Variants in VLDLR observed in about 807,000 individuals in gnomAD.
The protein encoded by VLDLR is very low-density lipoprotein receptor.
VLDLR carries 81 observed loss-of-function variants against 112.7 expected under a neutral mutation model. That is an observed-to-expected ratio of 0.72 (90% CI 0.60 to 0.86). The LOEUF (loss-of-function observed/expected upper bound fraction) is 0.86. Among genes scored for constraint, VLDLR ranks in the 40% least tolerant of loss-of-function variants. The pLI, the probability that VLDLR is intolerant of heterozygous loss-of-function variation, is 0.00. For missense variants in VLDLR, 1,237 were observed against 1,099.4 expected (o/e 1.13, Z -1.77); for synonymous variants, 436 against 384.8 (o/e 1.13, Z -1.56).
chr9:2,624,466 C>T (rs1240716357), intron 1 of VLDLR, among the ~76,000 whole-genome samples: 2 of 152,200 alleles, frequency 1.3e-5, no homozygotes, highest in East Asian at 3.9e-4. Context: ...TTAAGGCTAA[C>T]AAGAAGTTGG....
At chr9:2,629,317 T>C (rs1167203740) in intron 1 of VLDLR, among the ~76,000 whole-genome samples, 1 of 152,244 alleles carries the variant, frequency 6.6e-6, no homozygotes, top group Non-Finnish European at 1.5e-5. Context: ...AACCAAGAGC[T>C]ATAATCCTTT....
chr9:2,625,463 C>T (rs1363973289), intron 1 of VLDLR, among the ~76,000 whole-genome samples: 1 of 152,206 alleles, frequency 6.6e-6, no homozygotes, highest in East Asian at 1.9e-4. Context: ...TAAGACAAGG[C>T]AGTTGCCTAC....
intron 18 of VLDLR, 133 bp from the exon 19 acceptor site, chr9:2,653,700 T>C (rs1438325809): frequency 1.1e-6 from 1 of 886,852 alleles, no homozygotes; most frequent in Non-Finnish European, 1.9e-6. Context: ...TATTCTTTTG[T>C]ATCTGACTGA....
intron 2 of VLDLR, among the ~76,000 whole-genome samples, chr9:2,636,135 A>T (rs1817592624): frequency 6.6e-6 from 1 of 152,188 alleles, no homozygotes; most frequent in Non-Finnish European, 1.5e-5. Context: ...TGTCACAGCC[A>T]TCAATCAGCA....
In VLDLR at chr9:2,641,362, G is replaced by A; in HGVS notation, c.326-15G>A. Reference sequence around the variant, plus strand: ...TCAGTTCTGAGGCTCTTTTGAGACTGTATATCATCAACAGATATGAGAACA... The same window carrying A: ...TCAGTTCTGAGGCTCTTTTGAGACTATATATCATCAACAGATATGAGAACA... On this transcript the variant is annotated splice_polypyrimidine_tract_variant and intron_variant, in intron 3 of 18. Transcript: ENST00000382100. The A allele has an allele frequency of 6.2e-7, 1 of 1,613,916 alleles. No homozygotes were observed.
At position 2,648,326 on chromosome 9, in the gene VLDLR, T is replaced by G; in HGVS notation, c.1941T>G (p.Pro647=). Residue 647 remains proline (P), a synonymous_variant, in exon 13 of 19, where the codon CCT becomes CCG. Transcript: ENST00000382100. ...VLKSLEFLAH[P]LALTIFEDRV... ...AGTCTCTGGAGTTCCTAGCTCATCC[T>G]CTTGCACTAACAATATTTGAGGTAA... is the stretch of plus-strand genomic sequence containing the variant. 6.2e-7 allele frequency: 1 copy of G among 1,614,214 alleles called. No homozygotes were observed. Among genetic ancestry groups the G allele is most frequent in the Non-Finnish European group, 8.5e-7 (1 of 1,180,022 alleles).
chr9:2,645,480 T>C, intron 9 of VLDLR, 94 bp from the exon 10 acceptor site: 1 of 1,474,988 alleles, frequency 6.8e-7, no homozygotes, highest in South Asian at 1.1e-5. Flanking sequence ...ACAATACCTT[T>C]ATTTTCTAAG....
In VLDLR at chr9:2,641,278, C is replaced by G; in HGVS notation, c.326-99C>G. ...AGTAGAATTTCACCAGTGTGCCAGGCTACTGAGTCACAGGTATTAGCGCTT... is the reference window on the plus strand; with the variant it reads ...AGTAGAATTTCACCAGTGTGCCAGGGTACTGAGTCACAGGTATTAGCGCTT... On this transcript the variant is annotated intron_variant, in intron 3 of 18. Transcript: ENST00000382100. 3 of 1,577,348 alleles carry G rather than the reference C, an allele frequency of 1.9e-6. No individual in the cohort carries two copies. In the South Asian group the frequency reaches 3.3e-5, roughly 18 times the overall value.
intron 1 of VLDLR, among the ~76,000 whole-genome samples, 170 bp from the exon 2 acceptor site, chr9:2,635,283 A>G (rs796447352): frequency 8.9e-4 from 135 of 152,342 alleles, no homozygotes; most frequent in African/African-American, 3.0e-3. Flanking sequence ...CCAGCTAAGA[A>G]CGCAATTACT....
chr9:2,648,333 C>A lies in VLDLR; in HGVS notation c.1948C>A (p.Leu650Ile). The A allele has an allele frequency of 6.2e-7, 1 of 1,614,134 alleles. No homozygotes were observed. The highest frequency in any genetic ancestry group is 8.5e-7 in the Non-Finnish European group (1 of 1,180,010). ...GGAGTTCCTAGCTCATCCTCTTGCACTAACAATATTTGAGGTAAGATGTGT... is the reference window on the plus strand; with the variant it reads ...GGAGTTCCTAGCTCATCCTCTTGCAATAACAATATTTGAGGTAAGATGTGT... ...SLEFLAHPLA[L>I]TIFEDRVYWI... The change falls in exon 13 of 19, where the codon CTA becomes ATA. Residue 650 changes from leucine to isoleucine, a missense_variant. Leu to Ile is a conservative substitution (Grantham distance 5). Transcript: ENST00000382100.
chr9:2,648,445 C>T (rs1247924195), intron 13 of VLDLR, 98 bp downstream of exon 13: 1 of 1,586,062 alleles, frequency 6.3e-7, no homozygotes, highest in South Asian at 1.1e-5. Context: ...AGCAGCTGAA[C>T]ATGGCTTGAG....
In VLDLR at chr9:2,648,776, C is replaced by T; in HGVS notation, c.2070C>T (p.Asp690=). The T allele has an allele frequency of 1.9e-6, 3 of 1,614,160 alleles. No homozygotes were observed. The East Asian group carries it at 6.7e-5, about 36-fold the overall frequency. Residue 690 remains aspartate, a synonymous_variant, in exon 14 of 19, where the codon GAC becomes GAT. Coordinates refer to ENST00000382100, the MANE Select transcript of VLDLR (RefSeq NM_003383.5). ...TLVNNLNDAQ[D]IIVYHELVQP... Reference sequence around the variant, plus strand: ...TCAACAACCTGAATGATGCCCAAGACATCATTGTCTATCATGAACTTGTAC... The same window carrying T: ...TCAACAACCTGAATGATGCCCAAGATATCATTGTCTATCATGAACTTGTAC...
In VLDLR at chr9:2,622,270, C is replaced by A. The variant is rs1342491883; in HGVS notation, c.81C>A (p.Thr27=). ...WAPRESGATG[T]GRKAKCEPSQ... The stretch of plus-strand genomic sequence containing the variant: ...CCCGGGAGAGCGGCGCCACCGGAAC[C>A]GGTGAGTGAGGACGCGCCCCTCCGC... The change falls in exon 1 of 19, where the codon ACC becomes ACA. Residue 27 remains threonine (T), a splice_region_variant and synonymous_variant. Coordinates refer to ENST00000382100, the MANE Select transcript of VLDLR (RefSeq NM_003383.5). 3 of 1,486,896 alleles carry A rather than the reference C, an allele frequency of 2.0e-6. No homozygotes were observed. The highest frequency in any genetic ancestry group is 2.7e-6 in the Non-Finnish European group (3 of 1,124,826). The allele number at this position is 1,486,896 out of a possible 1,614,324, so 92.1% of individuals were successfully genotyped here.
chr9:2,648,840 C>T, intron 14 of VLDLR, 30 bp downstream of exon 14: 2 of 1,613,710 alleles, frequency 1.2e-6, no homozygotes, highest in Non-Finnish European at 1.7e-6. Flanking sequence ...TCCTTAATAA[C>T]TACTTTAAGG....
chr9:2,645,596 C>T lies in VLDLR; in HGVS notation c.1335C>T (p.Phe445=). 1 of 1,614,220 alleles carries T rather than the reference C, an allele frequency of 6.2e-7. No individual in the cohort carries two copies. Among genetic ancestry groups the T allele is most frequent in the Non-Finnish European group, 8.5e-7 (1 of 1,180,036 alleles). Reference sequence around the variant, plus strand: ...CAGGCAAAGAGCCAAGTCTGATCTTCACTAATCGAAGAGACATCAGGAAGA... The same window carrying T: ...CAGGCAAAGAGCCAAGTCTGATCTTTACTAATCGAAGAGACATCAGGAAGA... ...KAVGKEPSLI[F]TNRRDIRKIG... is the part of the protein sequence containing the mutation. Residue 445 remains phenylalanine, a synonymous_variant, in exon 10 of 19, where the codon TTC becomes TTT. Coordinates refer to ENST00000382100, the MANE Select transcript of VLDLR (RefSeq NM_003383.5).
chr9:2,625,172 T>C lies in VLDLR; in HGVS notation c.82+2901T>C, dbSNP rs10967213. On this transcript the variant is annotated intron_variant, in intron 1 of 18. Coordinates refer to ENST00000382100, the MANE Select transcript of VLDLR (RefSeq NM_003383.5). Reference sequence around the variant, plus strand: ...ATAACCGTAAACTTGACTTGAGTAGTTTCATTACAGTTTTGGAAGAGGAAA... The same window carrying C: ...ATAACCGTAAACTTGACTTGAGTAGCTTCATTACAGTTTTGGAAGAGGAAA... 1.2e-4 allele frequency among the ~76,000 whole-genome samples: 18 copies of C among 152,114 alleles called. 1 individual carries two copies. Among genetic ancestry groups the C allele is most frequent in the African/African-American group, 4.1e-4 (17 of 41,474 alleles).
At position 2,647,506 on chromosome 9, in the gene VLDLR, C is replaced by T. The variant is rs55946475; in HGVS notation, c.1736C>T (p.Ala579Val). 6.2e-7 allele frequency: 1 copy of T among 1,614,110 alleles called. No homozygotes were observed. Among genetic ancestry groups the T allele is most frequent in the Non-Finnish European group, 8.5e-7 (1 of 1,179,984 alleles). The change falls in exon 12 of 19, where the codon GCT becomes GTT. Residue 579 changes from alanine (A) to valine (V), a missense_variant. Physicochemically the swap from Ala to Val is moderately conservative, Grantham distance 64. Transcript: ENST00000382100. ...FVYWSDWGEP[A>V]KIEKAGMNGF... is the part of the protein sequence containing the mutation. ...TACTGGTCAGACTGGGGTGAACCAG[C>T]TAAAATAGAAAAAGCAGGAATGAAT...
chr9:2,643,940 T>G lies in VLDLR; in HGVS notation c.1047T>G (p.Asp349Glu). ...AGCAGGACTGCAGGGACTGGAGTGATGAGCCCCTGAAAGAGTGTCGTAAGT... is the reference window on the plus strand; with the variant it reads ...AGCAGGACTGCAGGGACTGGAGTGAGGAGCCCCTGAAAGAGTGTCGTAAGT... The part of the protein sequence containing the change: ...NQEQDCRDWS[D>E]EPLKECHINE... Residue 349 changes from aspartate (D) to glutamate (E), a missense_variant, in exon 7 of 19, where the codon GAT becomes GAG. Transcript: ENST00000382100. 1 of 1,614,116 alleles carries G rather than the reference T, an allele frequency of 6.2e-7. No homozygotes were observed.
rs1818630406 is a variant in VLDLR, at chr9:2,656,914, G to C, written c.*3046G>C. 1.6e-5 allele frequency: 2 copies of C among 123,764 alleles called. No homozygotes were observed. Among genetic ancestry groups the C allele is most frequent in the Non-Finnish European group, 3.1e-5 (2 of 63,648 alleles). The allele number at this position is 123,764 out of a possible 1,614,324, so 7.7% of individuals were successfully genotyped here. On this transcript the variant is annotated 3_prime_UTR_variant, in exon 19 of 19. Transcript: ENST00000382100. ...GGTGTTTTAAAGCCTAGGTATCGCT[G>C]CCTCTTTAGTTCTTGATGAATACAA...
Sources: allele counts gnomAD v4.1 joint callset (sites outside exome capture counted in the v4.1 genomes callset), GRCh38; gene constraint gnomAD v4.1.1; transcripts MANE v1.5; gene names NCBI Gene and HGNC (gene_info 2026-07-23, HGNC 2026-07-21).